Variants in AKAP6 observed in about 807,000 individuals in gnomAD.
AKAP6 encodes A-kinase anchor protein 6.
In AKAP6, 58 loss-of-function variants were observed where a neutral mutation model predicts 188.5. The ratio of observed to expected loss-of-function variants is 0.31; its 90% CI spans 0.25 to 0.38. The LOEUF is 0.38. Among genes scored for constraint, AKAP6 ranks in the 10% least tolerant of loss-of-function variants. The probability of loss-of-function intolerance (pLI) is 1.00; values close to 1 mark genes in which losing one functional copy is unlikely to be tolerated. For synonymous variants in AKAP6, 989 were observed against 998.6 expected, an observed-to-expected ratio of 0.99 and a Z score of 0.18; for missense variants, 2,710 against 2,740.0, an observed-to-expected ratio of 0.99 and a Z score of 0.24.
rs541183247 is a variant in AKAP6 at position 32,622,357 on chromosome 14, A to G, written c.2730+21565A>G. Among the ~76,000 whole-genome samples, 6 of 152,274 alleles carry G rather than the reference A, an allele frequency of 3.9e-5. No homozygotes were observed. The South Asian group carries it at 8.3e-4, about 21-fold the overall frequency. ...AACTTTAATGTTTTTTTCAAGACCA[A>G]TATTATCTGTTATTTTCACTGGGGA... is the stretch of plus-strand genomic sequence containing the variant. On this transcript the variant is annotated intron_variant, in intron 7 of 13. Transcript: ENST00000280979.
At position 32,833,359 on chromosome 14, in the gene AKAP6, T is replaced by C. The variant is rs2034841238; in HGVS notation, c.*3554T>C. The C allele has an allele frequency of 6.6e-6, 1 of 152,236 alleles. No individual in the cohort carries two copies. The highest frequency in any genetic ancestry group is 6.5e-5 in the Admixed American group (1 of 15,282). The allele number at this position is 152,236 out of a possible 1,614,324, so 9.4% of individuals were successfully genotyped here. A position where few individuals can be genotyped will look rare whatever the true frequency, so the allele number is the denominator to read the frequency against. On this transcript the variant is annotated 3_prime_UTR_variant, in exon 14 of 14. Coordinates refer to ENST00000280979, the MANE Select transcript of AKAP6 (RefSeq NM_004274.5). Reference sequence around the variant, plus strand: ...TATGACTTTTGTCTCAATTAAATGATGACCTCATTTAGTTTCTGATGAAGT... The same window carrying C: ...TATGACTTTTGTCTCAATTAAATGACGACCTCATTTAGTTTCTGATGAAGT...
At chr14:32,778,657 C>T (rs932397528) in intron 12 of AKAP6, among the ~76,000 whole-genome samples, 3 of 151,946 alleles carry the variant, frequency 2.0e-5, no homozygotes, top group Non-Finnish European at 1.5e-5. Flanking sequence ...AGCAGGTCTC[C>T]TGCCTCAGTC....
chr14:32,834,415 A>G lies in AKAP6; in HGVS notation c.*4610A>G, dbSNP rs1311530518. Reference sequence around the variant, plus strand: ...AAAAAAAATGTAATATTAATACAATAATACCTGATAGTTTATATTCAAGTT... The same window carrying G: ...AAAAAAAATGTAATATTAATACAATGATACCTGATAGTTTATATTCAAGTT... On this transcript the variant is annotated 3_prime_UTR_variant, in exon 14 of 14. Coordinates refer to ENST00000280979, the MANE Select transcript of AKAP6 (RefSeq NM_004274.5). The G allele has an allele frequency of 6.6e-6, 1 of 152,098 alleles. No individual in the cohort carries two copies. The highest frequency in any genetic ancestry group is 1.5e-5 in the Non-Finnish European group (1 of 68,018). 9.4% of individuals were successfully genotyped at this position (152,098 alleles called of 1,614,324 possible).
intron 1 of AKAP6, among the ~76,000 whole-genome samples, chr14:32,333,705 G>T (rs1330324426): frequency 6.6e-6 from 1 of 151,980 alleles, no homozygotes; most frequent in Non-Finnish European, 1.5e-5. Context: ...GACCAATATG[G>T]CAATTAGTAT....
intron 7 of AKAP6, among the ~76,000 whole-genome samples, chr14:32,613,929 T>C (rs983363674): frequency 5.3e-5 from 8 of 152,156 alleles, no homozygotes; most frequent in African/African-American, 1.7e-4. Context: ...GAAAACAAAA[T>C]GTATTTTTCA....
Position 32,498,787 on chromosome 14 carries a change from C to T in AKAP6, c.325-36767C>T, listed in dbSNP as rs536378077. On this transcript the variant is annotated intron_variant, in intron 2 of 13. Coordinates refer to ENST00000280979, the MANE Select transcript of AKAP6 (RefSeq NM_004274.5). The stretch of plus-strand genomic sequence containing the variant: ...GGCGGGAGGGTGTAAGAGGACATCC[C>T]TTGGCCTCACAAGATCTCTCAAGGT... Among the ~76,000 whole-genome samples the T allele has an allele frequency of 5.3e-5, 8 of 152,224 alleles. No homozygotes were observed. In the South Asian group the frequency reaches 1.7e-3, roughly 32 times the overall value.
chr14:32,514,552 G>A (rs1047386404), intron 2 of AKAP6, among the ~76,000 whole-genome samples: 8 of 152,176 alleles, frequency 5.3e-5, no homozygotes, highest in Non-Finnish European at 1.2e-4. Context: ...AAGTACTAAT[G>A]AATAGGTCAG....
chr14:32,535,356 T>A (rs1303361980), intron 2 of AKAP6, among the ~76,000 whole-genome samples, 198 bp from the exon 3 acceptor site: 2 of 152,202 alleles, frequency 1.3e-5, no homozygotes, highest in African/African-American at 4.8e-5. Flanking sequence ...TTGATTTACC[T>A]AAATGACCGA....
At chr14:32,767,705 C>T (rs1276983134) in intron 11 of AKAP6, among the ~76,000 whole-genome samples, 1 of 152,168 alleles carries the variant, frequency 6.6e-6, no homozygotes, top group Non-Finnish European at 1.5e-5. Flanking sequence ...CTTCTCTCCA[C>T]CTTTCTTACC....
chr14:32,479,343 ATTC>A (rs1005354978), intron 2 of AKAP6, among the ~76,000 whole-genome samples: 4 of 152,178 alleles, frequency 2.6e-5, no homozygotes, highest in African/African-American at 9.6e-5. Context: ...ATTAATACAT[ATTC>A]TTATAAAAAT....
chr14:32,756,366 G>A (rs2139927088), intron 11 of AKAP6, among the ~76,000 whole-genome samples: 1 of 152,188 alleles, frequency 6.6e-6, no homozygotes, highest in South Asian at 2.1e-4. Flanking sequence ...GGTGGACCTG[G>A]CTTCTGGAGC....
At chr14:32,421,039 A>G (rs566373144) in intron 1 of AKAP6, among the ~76,000 whole-genome samples, 10 of 152,034 alleles carry the variant, frequency 6.6e-5, no homozygotes, top group Non-Finnish European at 1.3e-4. Flanking sequence ...TTTCTTATGT[A>G]AAACAAATTG....
At chr14:32,664,737 T>C (rs1566633471) in intron 7 of AKAP6, among the ~76,000 whole-genome samples, 1 of 152,204 alleles carries the variant, frequency 6.6e-6, no homozygotes, top group East Asian at 1.9e-4. Flanking sequence ...AGCTCTGTGA[T>C]CTTCTCTGAC....
chr14:32,443,392 C>CA lies in AKAP6; in HGVS notation c.324+9579dup, dbSNP rs35835996. Reference sequence around the variant, plus strand: ...TGGGCAGCAGAGTAAGACTCCATCTCAAAACAAAACAAAACAAAAAAAAAA... The same window carrying CA: ...TGGGCAGCAGAGTAAGACTCCATCTCAAAAACAAAACAAAACAAAAAAAAAA... On this transcript the variant is annotated intron_variant, in intron 2 of 13. Coordinates refer to ENST00000280979, the MANE Select transcript of AKAP6 (RefSeq NM_004274.5). Among the ~76,000 whole-genome samples the CA allele has an allele frequency of 5.1e-3, 508 of 99,752 alleles. 2 individuals are homozygous for CA. The highest frequency in any genetic ancestry group is 0.032 in the African/African-American group (406 of 12,804). The allele number at this position is 99,752 out of a possible 152,430, so 65.4% of individuals were successfully genotyped here.
At chr14:32,358,439 A>G (rs1397262957) in intron 1 of AKAP6, among the ~76,000 whole-genome samples, 2 of 152,214 alleles carry the variant, frequency 1.3e-5, no homozygotes, top group East Asian at 3.8e-4. Context: ...TTTTCTTATA[A>G]AGAATGAAGT....
chr14:32,657,312 G>A (rs1411219028), intron 7 of AKAP6, among the ~76,000 whole-genome samples: 4 of 152,264 alleles, frequency 2.6e-5, no homozygotes, highest in South Asian at 2.1e-4. Flanking sequence ...GAAATAACCC[G>A]TGGCAGGAAC....
At chr14:32,816,097 A>G (rs947934842) in intron 12 of AKAP6, among the ~76,000 whole-genome samples, 1 of 152,166 alleles carries the variant, frequency 6.6e-6, no homozygotes. Context: ...TCTCTGCTCA[A>G]TAAGAGGCAG....
At chr14:32,334,260 A>G (rs997480242) in intron 1 of AKAP6, among the ~76,000 whole-genome samples, 2 of 152,174 alleles carry the variant, frequency 1.3e-5, no homozygotes, top group Non-Finnish European at 2.9e-5. Context: ...GAAATAAACA[A>G]TAAGTTTTAA....
chr14:32,694,772 A>C (rs1044786545), intron 8 of AKAP6, among the ~76,000 whole-genome samples: 1 of 152,126 alleles, frequency 6.6e-6, no homozygotes, highest in Non-Finnish European at 1.5e-5. Flanking sequence ...CAGATCTATT[A>C]AGATTAAATT....
Sources: allele counts gnomAD v4.1 joint callset (sites outside exome capture counted in the v4.1 genomes callset), GRCh38; gene constraint gnomAD v4.1.1; transcripts MANE v1.5; gene names NCBI Gene and HGNC (gene_info 2026-07-23, HGNC 2026-07-21).